PDE11A: variants seen among roughly 807,000 people sequenced by gnomAD.
The protein encoded by PDE11A is phosphodiesterase 11A.
PDE11A carries 100 observed loss-of-function variants against 100.5 expected under a neutral mutation model. The ratio of observed to expected loss-of-function variants is 1.00; its 90% CI spans 0.85 to 1.18. The LOEUF is 1.18. Among genes scored for constraint, PDE11A ranks in the 50% most tolerant of loss-of-function variants. The pLI, the probability that PDE11A is intolerant of heterozygous loss-of-function variation, is 0.00. For missense variants in PDE11A, 1,141 were observed against 1,152.6 expected, an observed-to-expected ratio of 0.99 and a Z score of 0.15; for synonymous variants, 381 against 420.8, an observed-to-expected ratio of 0.91 and a Z score of 1.16.
intron 4 of PDE11A, among the ~76,000 whole-genome samples, chr2:177,887,727 G>A (rs1485224849): frequency 6.6e-6 from 1 of 152,168 alleles, no homozygotes; most frequent in African/African-American, 2.4e-5. Context: ...GCACTCCAGC[G>A]TAGGTGACAG....
At chr2:178,024,031 A>C (rs1328038954) in intron 1 of PDE11A, among the ~76,000 whole-genome samples, 1 of 152,120 alleles carries the variant, frequency 6.6e-6, no homozygotes, top group Non-Finnish European at 1.5e-5. Flanking sequence ...ATTAAATCAC[A>C]ATTGGTAGGG....
chr2:177,903,153 A>T (rs1416371214), intron 3 of PDE11A, among the ~76,000 whole-genome samples: 1 of 151,566 alleles, frequency 6.6e-6, no homozygotes, highest in South Asian at 2.1e-4. Flanking sequence ...CTCTAAACAC[A>T]CTGACCAAGC....
At chr2:177,770,161 A>C (rs1042064811) in intron 9 of PDE11A, among the ~76,000 whole-genome samples, 1 of 152,160 alleles carries the variant, frequency 6.6e-6, no homozygotes, top group African/African-American at 2.4e-5. Context: ...TGACATCAGC[A>C]TTGGCATATG....
intron 2 of PDE11A, among the ~76,000 whole-genome samples, chr2:178,004,464 G>A (rs1483794109): frequency 6.6e-6 from 1 of 152,146 alleles, no homozygotes; most frequent in African/African-American, 2.4e-5. Flanking sequence ...TGCTAAACTA[G>A]TTATTCAAAG....
intron 1 of PDE11A, chr2:178,018,257 TG>T: frequency 2.4e-6 from 1 of 417,962 alleles, no homozygotes; most frequent in South Asian, 2.1e-5. Context: ...TGCTCTGCGA[TG>T]GACTACTCCC....
chr2:177,929,089 C>T (rs2085171173), intron 2 of PDE11A, among the ~76,000 whole-genome samples: 2 of 152,192 alleles, frequency 1.3e-5, no homozygotes, highest in East Asian at 1.9e-4. Context: ...GGCGAAAAAT[C>T]CAGACAAGCC....
chr2:178,062,336 G>GAA lies in PDE11A; in HGVS notation c.912+9188_912+9189dup, dbSNP rs11333080. ...CTCCAGTCTCATATACCTGAAGACA[G>GAA]AAAAAAAAAAAAAAAAAGAAGCTAC... is the stretch of plus-strand genomic sequence containing the variant. On this transcript the variant is annotated intron_variant, in intron 1 of 19. Coordinates refer to ENST00000286063, the MANE Select transcript of PDE11A (RefSeq NM_016953.4). Among the ~76,000 whole-genome samples the GAA allele has an allele frequency of 2.3e-3, 230 of 101,674 alleles. 1 individual carries two copies. Among genetic ancestry groups the GAA allele is most frequent in the African/African-American group, 6.8e-3 (195 of 28,526 alleles). 66.7% of individuals were successfully genotyped at this position (101,674 alleles called of 152,430 possible).
chr2:177,722,295 C>T (rs1466848031), intron 12 of PDE11A, among the ~76,000 whole-genome samples: 2 of 152,120 alleles, frequency 1.3e-5, no homozygotes, highest in Admixed American at 1.3e-4. Flanking sequence ...AAGAAAAATA[C>T]CCAGCTCTGG....
chr2:177,790,334 A>G (rs1220483003), intron 9 of PDE11A, among the ~76,000 whole-genome samples: 1 of 151,798 alleles, frequency 6.6e-6, no homozygotes, highest in Non-Finnish European at 1.5e-5. Context: ...CTGGCTAGAC[A>G]TATGTAGAAA....
intron 2 of PDE11A, among the ~76,000 whole-genome samples, chr2:177,970,973 T>C (rs190689614): frequency 1.3e-5 from 2 of 152,274 alleles, no homozygotes; most frequent in East Asian, 3.9e-4. Context: ...CTGGGGATCA[T>C]TACTTATTGA....
At chr2:177,691,024 G>C (rs1409115245) in intron 15 of PDE11A, among the ~76,000 whole-genome samples, 1 of 152,174 alleles carries the variant, frequency 6.6e-6, no homozygotes, top group Non-Finnish European at 1.5e-5. Context: ...AGTGTGTCAG[G>C]TTTTGTGGGT....
intron 9 of PDE11A, among the ~76,000 whole-genome samples, chr2:177,809,101 C>T (rs1250559303): frequency 6.6e-6 from 1 of 152,024 alleles, no homozygotes; most frequent in Non-Finnish European, 1.5e-5. Context: ...TTGCCACAGG[C>T]TGAAGAGAGG....
intron 2 of PDE11A, among the ~76,000 whole-genome samples, chr2:178,005,442 A>G (rs1020011): frequency 0.95 from 144,254 of 152,230 alleles, 68,840 homozygotes; most frequent in East Asian, 1. Context: ...GAGCCCAAGA[A>G]TTCAGGACCA....
chr2:177,995,648 C>A (rs982727857), intron 2 of PDE11A, among the ~76,000 whole-genome samples: 1 of 151,160 alleles, frequency 6.6e-6, no homozygotes, highest in African/African-American at 2.4e-5. Flanking sequence ...CAAACACCAC[C>A]CACCCCGCAT....
chr2:177,875,809 C>T, intron 5 of PDE11A, 50 bp downstream of exon 5: 1 of 1,182,554 alleles, frequency 8.5e-7, no homozygotes. Flanking sequence ...ATGCTGCTAA[C>T]ACCAAGGACA....
At chr2:177,685,671 C>T (rs183453881) in intron 15 of PDE11A, among the ~76,000 whole-genome samples, 2 of 152,116 alleles carry the variant, frequency 1.3e-5, no homozygotes, top group East Asian at 1.9e-4. Flanking sequence ...TGGGTTCAAG[C>T]GATTCTCTGC....
chr2:177,687,773 C>T lies in PDE11A; in HGVS notation c.2346-6870G>A, dbSNP rs911788405. On this transcript the variant is annotated intron_variant, in intron 15 of 19. Transcript: ENST00000286063. ...TTTGAATTTTCATTATAGTTATAGA[C>T]TGGTAGGGCTGTATGGAACTTTTGA... The T allele has an allele frequency of 2.6e-5, 4 of 152,072 alleles. No homozygotes were observed. In the East Asian group the frequency reaches 7.7e-4, roughly 29 times the overall value. 9.4% of individuals were successfully genotyped at this position (152,072 alleles called of 1,614,324 possible).
At chr2:177,856,814 C>G (rs1412508745) in intron 5 of PDE11A, among the ~76,000 whole-genome samples, 1 of 151,898 alleles carries the variant, frequency 6.6e-6, no homozygotes, top group Non-Finnish European at 1.5e-5. Flanking sequence ...GGGATACCAT[C>G]AAGCATACAA....
chr2:177,786,080 C>T (rs1233487837), intron 9 of PDE11A, among the ~76,000 whole-genome samples: 1 of 152,168 alleles, frequency 6.6e-6, no homozygotes, highest in Non-Finnish European at 1.5e-5. Flanking sequence ...GGGCAGACTG[C>T]CTCGTCAAGT....
Sources: gnomAD v4.1 joint callset for allele counts (sites outside exome capture counted in the v4.1 genomes callset) on GRCh38, gnomAD v4.1.1 for gene constraint, MANE v1.5 for transcripts, NCBI Gene and HGNC (gene_info 2026-07-23, HGNC 2026-07-21) for gene names.